The following ANKRD12 variants were observed in gnomAD, a reference collection of about 807,000 sequenced individuals.
ANKRD12 encodes ankyrin repeat domain 12.
In ANKRD12, 85 loss-of-function variants were observed where a neutral mutation model predicts 183.4. The observed-to-expected ratio is 0.46, with a 90% CI of 0.39 to 0.56. The LOEUF is 0.56. ANKRD12 is among the 20% of genes least tolerant of loss of function. The pLI, the probability that ANKRD12 is intolerant of heterozygous loss-of-function variation, is 0.00. For missense variants in ANKRD12, 2,405 were observed against 2,357.1 expected (o/e 1.02, Z -0.42); for synonymous variants, 914 against 800.2 (o/e 1.14, Z -2.40).
At chr18:9,171,503 G>C (rs1342065667) in intron 1 of ANKRD12, among the ~76,000 whole-genome samples, 3 of 152,162 alleles carry the variant, frequency 2.0e-5, no homozygotes, top group Non-Finnish European at 4.4e-5. Flanking sequence ...ACTTGTTTAT[G>C]TGGTTGCTTT....
chr18:9,144,307 A>G (rs1167716902), intron 1 of ANKRD12, among the ~76,000 whole-genome samples: 1 of 152,226 alleles, frequency 6.6e-6, no homozygotes, highest in Admixed American at 6.5e-5. Context: ...TTTATATATT[A>G]GTGATTATTA....
chr18:9,172,654 G>A (rs1279384446), intron 1 of ANKRD12, among the ~76,000 whole-genome samples: 1 of 151,978 alleles, frequency 6.6e-6, no homozygotes, highest in East Asian at 1.9e-4. Context: ...CTTTGCATTG[G>A]GTTGCAACAT....
At position 9,258,273 on chromosome 18, in the gene ANKRD12, C is replaced by T. The variant is rs2038759995; in HGVS notation, c.5006C>T (p.Pro1669Leu). The T allele has an allele frequency of 2.5e-6, 4 of 1,613,582 alleles. No homozygotes were observed. In the East Asian group the frequency reaches 8.9e-5, roughly 36 times the overall value. ...AAAGGAAACCTAAATGAACAAGATC[C>T]AAAACATTGTCCTGAAAGTGAAAAG... ...MPKGNLNEQDPKHCPESEKCL... is the reference protein window; with the variant it reads ...MPKGNLNEQDLKHCPESEKCL... The change falls in exon 9 of 13, where the codon CCA becomes CTA. Residue 1669 changes from proline to leucine, a missense_variant. Pro to Leu is a moderately conservative substitution (Grantham distance 98). Coordinates refer to ENST00000262126, the MANE Select transcript of ANKRD12 (RefSeq NM_015208.5).
rs200673262 is a variant in ANKRD12 at position 9,250,985 on chromosome 18, G to GT, written c.944-3220dup. 3.4e-3 allele frequency among the ~76,000 whole-genome samples: 517 copies of GT among 152,062 alleles called. 1 individual carries two copies. Among genetic ancestry groups the GT allele is most frequent in the Admixed American group, 6.2e-3 (95 of 15,280 alleles). ...CAGGTTAGTTGACTAGAAGTTTTTT[G>GT]TTTTTTGTTTCTTTTTTAGTTATGG... On this transcript the variant is annotated intron_variant, in intron 8 of 12. Transcript: ENST00000262126.
intron 4 of ANKRD12, among the ~76,000 whole-genome samples, chr18:9,205,824 C>T (rs1048265821): frequency 2.6e-5 from 4 of 151,918 alleles, no homozygotes; most frequent in Non-Finnish European, 4.4e-5. Context: ...GTTGTGATTC[C>T]ATTGTTTGAT....
intron 3 of ANKRD12, among the ~76,000 whole-genome samples, chr18:9,198,220 A>G (rs1189811165): frequency 6.6e-6 from 1 of 152,196 alleles, no homozygotes; most frequent in Non-Finnish European, 1.5e-5. Context: ...AAAACCCTTA[A>G]TATATGTAGT....
At chr18:9,177,110 T>C (rs972691714) in intron 1 of ANKRD12, among the ~76,000 whole-genome samples, 15 of 152,068 alleles carry the variant, frequency 9.9e-5, no homozygotes, top group Admixed American at 8.5e-4. Flanking sequence ...TGCAGCTGGT[T>C]GGCTTAAACA....
Position 9,255,446 on chromosome 18 carries a change from GA to G in ANKRD12, c.2186del (p.Asn729ThrfsTer39). On this transcript the variant is annotated frameshift_variant, in exon 9 of 13. Transcript: ENST00000262126. LOFTEE classifies it high-confidence loss of function. ...SLTLEKKSKL[E>X]KNIKDDKSTK... ...AACATTAGAAAAAAAATCAAAATTG[GA>G]AAAAAACATCAAAGATGATAAATCA... The G allele has an allele frequency of 6.4e-7, 1 of 1,567,820 alleles. No individual in the cohort carries two copies. The highest frequency in any genetic ancestry group is 2.1e-5 in the Admixed American group (1 of 47,006).
At chr18:9,246,307 T>G (rs1176391080) in intron 8 of ANKRD12, among the ~76,000 whole-genome samples, 1 of 152,200 alleles carries the variant, frequency 6.6e-6, no homozygotes, top group African/African-American at 2.4e-5. Flanking sequence ...CACAAATAAC[T>G]GTCAATTATG....
intron 9 of ANKRD12, among the ~76,000 whole-genome samples, chr18:9,261,650 T>C (rs916784215): frequency 3.3e-5 from 5 of 152,186 alleles, no homozygotes; most frequent in Admixed American, 6.5e-5. Flanking sequence ...ACGACGAGAG[T>C]AATGGCAAAA....
intron 7 of ANKRD12, among the ~76,000 whole-genome samples, chr18:9,218,183 A>C (rs1012692922): frequency 6.6e-6 from 1 of 152,236 alleles, no homozygotes; most frequent in African/African-American, 2.4e-5. Context: ...TTCTGTGAAC[A>C]CAAGTTTCTA....
chr18:9,161,738 A>T (rs572434797), intron 1 of ANKRD12, among the ~76,000 whole-genome samples: 2 of 148,366 alleles, frequency 1.3e-5, no homozygotes, highest in South Asian at 4.2e-4. Context: ...TGATATGTTG[A>T]TGTGTGTGTG....
intron 11 of ANKRD12, among the ~76,000 whole-genome samples, chr18:9,277,563 G>A (rs561796704): frequency 2.4e-4 from 37 of 151,648 alleles, no homozygotes; most frequent in South Asian, 6.2e-4. Context: ...TCCTGACCTC[G>A]TGATCCACCC....
chr18:9,273,663 C>G (rs1322351010), intron 10 of ANKRD12, among the ~76,000 whole-genome samples: 3 of 152,142 alleles, frequency 2.0e-5, no homozygotes, highest in African/African-American at 7.2e-5. Flanking sequence ...TGCATCCAAA[C>G]AAAAACTTGA....
intron 1 of ANKRD12, among the ~76,000 whole-genome samples, chr18:9,172,564 C>T (rs1298542432): frequency 6.6e-6 from 1 of 152,202 alleles, no homozygotes; most frequent in Non-Finnish European, 1.5e-5. Flanking sequence ...TGTTTCTCAG[C>T]TCCATCAGGT....
intron 1 of ANKRD12, among the ~76,000 whole-genome samples, chr18:9,151,624 C>G (rs9947027): frequency 0.52 from 79,523 of 152,098 alleles, 23,315 homozygotes; most frequent in South Asian, 0.75. Flanking sequence ...AAGGACCATT[C>G]AAAATTGTGT....
At chr18:9,210,912 A>G (rs966803798) in intron 5 of ANKRD12, among the ~76,000 whole-genome samples, 1 of 152,016 alleles carries the variant, frequency 6.6e-6, no homozygotes, top group African/African-American at 2.4e-5. Context: ...TTAACACTGT[A>G]TATATGTCTT....
intron 8 of ANKRD12, among the ~76,000 whole-genome samples, chr18:9,235,340 T>G (rs758790129): frequency 6.6e-6 from 1 of 152,104 alleles, no homozygotes; most frequent in Non-Finnish European, 1.5e-5. Context: ...AAACAAAAAT[T>G]GAATAGGAAG....
In ANKRD12 at chr18:9,159,298, CAA is replaced by C. The variant is rs562864068; in HGVS notation, c.-52+22334_-52+22335del. Among the ~76,000 whole-genome samples the C allele has an allele frequency of 6.6e-4, 100 of 152,236 alleles. 1 individual carries two copies. Among genetic ancestry groups the C allele is most frequent in the Admixed American group, 2.9e-3 (45 of 15,274 alleles). On this transcript the variant is annotated intron_variant, in intron 1 of 12. Coordinates refer to ENST00000262126, the MANE Select transcript of ANKRD12 (RefSeq NM_015208.5). ...AAGTTTGTGTCTGTATTAAAGTAAA[CAA>C]GAGTTTATATTCATATTTCCAGCTG...
Sources: gnomAD v4.1 joint callset for allele counts (sites outside exome capture counted in the v4.1 genomes callset) on GRCh38, gnomAD v4.1.1 for gene constraint, MANE v1.5 for transcripts, NCBI Gene and HGNC (gene_info 2026-07-23, HGNC 2026-07-21) for gene names.